The following XXYLT1 variants were observed in gnomAD, a reference collection of about 807,000 sequenced individuals.
The protein encoded by XXYLT1 is xyloside xylosyltransferase 1.
In XXYLT1, 20 loss-of-function variants were observed where a neutral mutation model predicts 28.9. The ratio of observed to expected loss-of-function variants is 0.69; its 90% CI spans 0.49 to 1.00. The LOEUF is 1.00. XXYLT1 is among the 50% of genes least tolerant of loss of function. The pLI is 0.00. For missense variants in XXYLT1, 542 were observed against 560.1 expected (o/e 0.97, Z 0.33); for synonymous variants, 257 against 253.8 (o/e 1.01, Z -0.12).
In XXYLT1 at chr3:195,175,823, T is replaced by C. The variant is rs1339288400; in HGVS notation, c.653-19242A>G. ...CGTTACAGGATGGAAGTGGCCTCGATTCCCGAGTCACTGCTTAAAAGGAAG... is the reference window on the plus strand; with the variant it reads ...CGTTACAGGATGGAAGTGGCCTCGACTCCCGAGTCACTGCTTAAAAGGAAG... On this transcript the variant is annotated intron_variant, in intron 2 of 3. Coordinates refer to ENST00000310380, the MANE Select transcript of XXYLT1 (RefSeq NM_152531.5). 26 of 1,417,874 alleles carry C rather than the reference T, an allele frequency of 1.8e-5. No individual in the cohort carries two copies. The South Asian group carries it at 3.9e-4, about 21-fold the overall frequency. The allele number at this position is 1,417,874 out of a possible 1,614,324, so 87.8% of individuals were successfully genotyped here. A position where few individuals can be genotyped will look rare whatever the true frequency, so the allele number is the denominator to read the frequency against.
chr3:195,103,315 A>ACCTGCGTCCATCACCCCACGCCAGCGG lies in XXYLT1; in HGVS notation c.786-33205_786-33204insCCGCTGGCGTGGGGTGATGGACGCAGG, dbSNP rs1560095719. On this transcript the variant is annotated intron_variant, in intron 3 of 3. Coordinates refer to ENST00000310380, the MANE Select transcript of XXYLT1 (RefSeq NM_152531.5). ...GCAGGAATGCACCCCCACACCAGCG[A>ACCTGCGTCCATCACCCCACGCCAGCGG]CCTGCGTCCATCACCCCACGCCAGC... 1.6e-5 allele frequency among the ~76,000 whole-genome samples: 2 copies of ACCTGCGTCCATCACCCCACGCCAGCGG among 122,880 alleles called. 1 individual carries two copies. The allele number at this position is 122,880 out of a possible 152,430, so 80.6% of individuals were successfully genotyped here.
At chr3:195,200,050 T>C (rs964574451) in intron 2 of XXYLT1, among the ~76,000 whole-genome samples, 5 of 152,264 alleles carry the variant, frequency 3.3e-5, no homozygotes, top group Admixed American at 6.5e-5. Flanking sequence ...AAGAAGGGGA[T>C]TGGAAGCTCT....
intron 2 of XXYLT1, chr3:195,175,723 T>C (rs1440945018): frequency 4.6e-6 from 7 of 1,535,840 alleles, no homozygotes; most frequent in Non-Finnish European, 5.2e-6. Flanking sequence ...TGTGCAACTC[T>C]GGACTGTAGC....
At chr3:195,143,066 G>A (rs1186615241) in intron 3 of XXYLT1, among the ~76,000 whole-genome samples, 2 of 152,290 alleles carry the variant, frequency 1.3e-5, no homozygotes, top group South Asian at 2.1e-4. Context: ...TTCTGGACAC[G>A]AATTATGCTT....
intron 3 of XXYLT1, among the ~76,000 whole-genome samples, chr3:195,094,409 C>G (rs111823622): frequency 6.6e-6 from 1 of 152,212 alleles, no homozygotes; most frequent in Non-Finnish European, 1.5e-5. Flanking sequence ...CCTGCCCACA[C>G]GCATGCAGGC....
intron 1 of XXYLT1, among the ~76,000 whole-genome samples, chr3:195,227,458 C>T (rs1724107247): frequency 6.6e-6 from 1 of 152,216 alleles, no homozygotes; most frequent in African/African-American, 2.4e-5. Context: ...GTATCACTGA[C>T]ACTCTGGAGG....
intron 2 of XXYLT1, among the ~76,000 whole-genome samples, chr3:195,222,687 TA>T (rs1723880620): frequency 1.3e-5 from 2 of 152,234 alleles, no homozygotes; most frequent in South Asian, 4.1e-4. Flanking sequence ...ATCTACTCAA[TA>T]AAACCATTCA....
chr3:195,208,095 A>T (rs1723150756), intron 2 of XXYLT1, among the ~76,000 whole-genome samples: 1 of 152,154 alleles, frequency 6.6e-6, no homozygotes, highest in Admixed American at 6.5e-5. Context: ...AGGGACAGGG[A>T]CCCACCAGGG....
chr3:195,144,240 G>A lies in XXYLT1; in HGVS notation c.785+12209C>T, dbSNP rs189248931. Among the ~76,000 whole-genome samples, 47 of 144,252 alleles carry A rather than the reference G, an allele frequency of 3.3e-4. 2 individuals carry two copies. The highest frequency in any genetic ancestry group is 1.0e-3 in the African/African-American group (43 of 41,050). 94.6% of individuals were successfully genotyped at this position (144,252 alleles called of 152,430 possible). ...TCGAGTGTGATATGGCATGTGGACC[G>A]GGGACTGGGCCTCTTCTAATCTGAT... On this transcript the variant is annotated intron_variant, in intron 3 of 3. Transcript: ENST00000310380.
intron 3 of XXYLT1, among the ~76,000 whole-genome samples, chr3:195,091,407 A>G (rs1716123287): frequency 9.4e-6 from 1 of 106,600 alleles, no homozygotes; most frequent in Non-Finnish European, 1.7e-5. Context: ...CAGCAGGTAA[A>G]CAGAGCCAAA....
intron 3 of XXYLT1, among the ~76,000 whole-genome samples, chr3:195,114,583 T>C (rs747839853): frequency 6.6e-6 from 1 of 152,150 alleles, no homozygotes; most frequent in Non-Finnish European, 1.5e-5. Flanking sequence ...ACATTTCTAC[T>C]AAAAAGTTCC....
chr3:195,251,885 G>A (rs532740491), intron 1 of XXYLT1, among the ~76,000 whole-genome samples: 49 of 152,296 alleles, frequency 3.2e-4, no homozygotes, highest in Admixed American at 2.2e-3. Flanking sequence ...CCTTCCAGGC[G>A]TGACCCTGGA....
rs898745295 is a variant in XXYLT1, at chr3:195,069,011, G to T, written c.*704C>A. ...CTGGTCACCTGGAGCTGGTTTGGTG[G>T]AATAAAGGACAATGGGGTTCTAGGA... On this transcript the variant is annotated 3_prime_UTR_variant, in exon 4 of 4. Transcript: ENST00000310380. The T allele has an allele frequency of 2.0e-5, 3 of 152,192 alleles. No individual in the cohort carries two copies. The highest frequency in any genetic ancestry group is 4.4e-5 in the Non-Finnish European group (3 of 68,052). The allele number at this position is 152,192 out of a possible 1,614,324, so 9.4% of individuals were successfully genotyped here. A position where few individuals can be genotyped will look rare whatever the true frequency, so the allele number is the denominator to read the frequency against.
intron 2 of XXYLT1, among the ~76,000 whole-genome samples, chr3:195,179,333 A>T (rs1453539800): frequency 6.9e-6 from 1 of 144,098 alleles, no homozygotes; most frequent in Non-Finnish European, 1.5e-5. Context: ...AGAGTGAGAC[A>T]CCGTCTCAAA....
intron 2 of XXYLT1, among the ~76,000 whole-genome samples, chr3:195,162,014 G>T (rs1012780563): frequency 1.3e-5 from 2 of 151,838 alleles, no homozygotes; most frequent in African/African-American, 2.4e-5. Flanking sequence ...ACTTGAGCTC[G>T]GGAATCTGAG....
intron 3 of XXYLT1, among the ~76,000 whole-genome samples, chr3:195,148,877 A>G (rs1183784709): frequency 1.3e-5 from 2 of 152,212 alleles, no homozygotes; most frequent in Non-Finnish European, 2.9e-5. Context: ...TGAAAATGAC[A>G]TTTACAGACG....
In XXYLT1 at chr3:195,194,675, C is replaced by T. The variant is rs192437108; in HGVS notation, c.652+32034G>A. ...GTCCAAACGTCCATCAACTAACAAACACACGAACAAAACGTGGGACAGCCA... is the reference window on the plus strand; with the variant it reads ...GTCCAAACGTCCATCAACTAACAAATACACGAACAAAACGTGGGACAGCCA... On this transcript the variant is annotated intron_variant, in intron 2 of 3. Coordinates refer to ENST00000310380, the MANE Select transcript of XXYLT1 (RefSeq NM_152531.5). Among the ~76,000 whole-genome samples the T allele has an allele frequency of 6.6e-5, 10 of 152,250 alleles. No homozygotes were observed. In the East Asian group the frequency reaches 1.9e-3, roughly 29 times the overall value.
chr3:195,087,835 C>T lies in XXYLT1; in HGVS notation c.786-17724G>A, dbSNP rs892795982. Among the ~76,000 whole-genome samples the T allele has an allele frequency of 6.6e-5, 10 of 152,046 alleles. No homozygotes were observed. The South Asian group carries it at 1.2e-3, about 19-fold the overall frequency. On this transcript the variant is annotated intron_variant, in intron 3 of 3. Transcript: ENST00000310380. ...GGTCAGTGGGTGCGCGCACCGTGCG[C>T]GAGCCGAAGCAGGGCGAGGCAAAGC...
At chr3:195,114,805 G>A (rs143637696) in intron 3 of XXYLT1, among the ~76,000 whole-genome samples, 2 of 152,362 alleles carry the variant, frequency 1.3e-5, no homozygotes, top group African/African-American at 2.4e-5. Context: ...GGAGCACGCA[G>A]GAAGGTAGCA....
Sources: gnomAD v4.1 joint callset for allele counts (sites outside exome capture counted in the v4.1 genomes callset) on GRCh38, gnomAD v4.1.1 for gene constraint, MANE v1.5 for transcripts, NCBI Gene and HGNC (gene_info 2026-07-23, HGNC 2026-07-21) for gene names.